Variants in ASB10 observed in about 807,000 individuals in gnomAD.
ASB10 encodes ankyrin repeat and SOCS box containing 10.
A neutral mutation model predicts 35.4 loss-of-function variants in ASB10; 44 were observed. The ratio of observed to expected loss-of-function variants is 1.24; its 90% CI spans 0.98 to 1.60. ASB10 has a LOEUF of 1.60. Among genes scored for constraint, ASB10 ranks in the 40% most tolerant of loss-of-function variants. The pLI is 0.00. For synonymous variants in ASB10, 294 were observed against 280.4 expected (o/e 1.05, Z -0.49); for missense variants, 647 against 634.3 (o/e 1.02, Z -0.22).
upstream of ASB10, chr7:151,187,645 G>T (rs1194901405): frequency 5.3e-5 from 81 of 1,533,238 alleles, no homozygotes; most frequent in Non-Finnish European, 6.8e-5. The surrounding 1 kb of genome is among the most constrained non-coding windows in gnomAD (Gnocchi z 5.3). Context: ...GGGGCCTCCA[G>T]ATCCGGCAGG....
intron 2 of ASB10, 117 bp from the exon 3 acceptor site, chr7:151,181,575 G>C: frequency 1.4e-6 from 2 of 1,416,634 alleles, no homozygotes; most frequent in Non-Finnish European, 1.8e-6. Flanking sequence ...CCCATCACTG[G>C]TCATCCTGGC....
chr7:151,185,959 C>A (rs1801580520), intron 2 of ASB10, among the ~76,000 whole-genome samples: 1 of 152,172 alleles, frequency 6.6e-6, no homozygotes, highest in African/African-American at 2.4e-5. Context: ...ACTGGGGCCA[C>A]CATCCTCTAC....
At position 151,186,828 on chromosome 7, in the gene ASB10, G is replaced by A. The variant is rs368312153; in HGVS notation, c.303C>T (p.Asn101=). Residue 101 remains asparagine, a synonymous_variant, in exon 1 of 6, where the codon AAC becomes AAT. Coordinates refer to ENST00000420175, the MANE Select transcript of ASB10 (RefSeq NM_001142459.2). ...DPERWRDFRF[N]IRALRLWSLT... The stretch of plus-strand genomic sequence containing the variant: ...CCCGGCCCGTACTCAGAGCACGGAT[G>A]TTGAAGCGGAAATCCCTCCATCGCT... 3 of 1,599,362 alleles carry A rather than the reference G, an allele frequency of 1.9e-6. No individual in the cohort carries two copies. The highest frequency in any genetic ancestry group is 2.2e-5 in the East Asian group (1 of 44,546).
In ASB10 at chr7:151,186,312, A is replaced by G. The variant is rs537533485; in HGVS notation, c.584+80T>C. Reference sequence around the variant, plus strand: ...GACTGCTCTGTCCCAGGTCCCTGACATTTTCCCCCATCCTCCCTGAGAAGG... The same window carrying G: ...GACTGCTCTGTCCCAGGTCCCTGACGTTTTCCCCCATCCTCCCTGAGAAGG... On this transcript the variant is annotated intron_variant, in intron 2 of 5. Transcript: ENST00000420175. The G allele has an allele frequency of 2.4e-5, 35 of 1,470,722 alleles. No individual in the cohort carries two copies. In the East Asian group the frequency reaches 7.2e-4, roughly 30 times the overall value. The allele number at this position is 1,470,722 out of a possible 1,614,324, so 91.1% of individuals were successfully genotyped here.
At chr7:151,177,622 G>A (rs2150555434) in intron 3 of ASB10, among the ~76,000 whole-genome samples, 1 of 152,188 alleles carries the variant, frequency 6.6e-6, no homozygotes, top group South Asian at 2.1e-4. Context: ...GGCTGGGTGG[G>A]GGACTCACAG....
chr7:151,185,579 A>G (rs1584818195), intron 2 of ASB10, among the ~76,000 whole-genome samples: 1 of 152,284 alleles, frequency 6.6e-6, no homozygotes, highest in East Asian at 1.9e-4. Context: ...CAAGAAGGAG[A>G]GGGTCCATGA....
At chr7:151,177,189 C>T (rs548431493) in intron 3 of ASB10, among the ~76,000 whole-genome samples, 2 of 152,250 alleles carry the variant, frequency 1.3e-5, no homozygotes, top group Non-Finnish European at 2.9e-5. Context: ...TCATTTGATC[C>T]AGGAAGCCAA....
At position 151,185,601 on chromosome 7, in the gene ASB10, C is replaced by T. The variant is rs142436221; in HGVS notation, c.584+791G>A. On this transcript the variant is annotated intron_variant, in intron 2 of 5. Transcript: ENST00000420175. ...GAGAGGGTCCATGAAAGGAGAACCC[C>T]AGGGTCAATAATTTGGCACCTTTCA... Among the ~76,000 whole-genome samples the T allele has an allele frequency of 1.8e-3, 281 of 152,234 alleles. 2 individuals carry two copies. The highest frequency in any genetic ancestry group is 6.5e-3 in the African/African-American group (270 of 41,526).
chr7:151,177,512 C>G (rs1801410505), intron 3 of ASB10, among the ~76,000 whole-genome samples: 1 of 150,738 alleles, frequency 6.6e-6, no homozygotes, highest in Non-Finnish European at 1.5e-5. Flanking sequence ...GGTCCCTGAC[C>G]TGTGGCTGGA....
rs1238321692 is a variant in ASB10, at chr7:151,181,343, G to A, written c.700C>T (p.Leu234Phe). Residue 234 changes from leucine (L) to phenylalanine (F), a missense_variant, in exon 3 of 6, where the codon CTT becomes TTT. Leu to Phe is a conservative substitution (Grantham distance 22). Transcript: ENST00000420175. ...TCAGGACATGCCCCCCGTCTTAGAAGCAGATCTGCCAGCTCCACATGGCCA... is the reference window on the plus strand; with the variant it reads ...TCAGGACATGCCCCCCGTCTTAGAAACAGATCTGCCAGCTCCACATGGCCA... The part of the protein sequence containing the change: ...RLGHVELADL[L>F]LRRGACPDAR... The A allele has an allele frequency of 5.0e-6, 8 of 1,613,250 alleles. No individual in the cohort carries two copies. The highest frequency in any genetic ancestry group is 6.8e-6 in the Non-Finnish European group (8 of 1,179,986).
upstream of ASB10, chr7:151,187,754 C>T (rs1053317112): frequency 5.5e-6 from 8 of 1,451,086 alleles, no homozygotes; most frequent in Admixed American, 8.3e-5. This position sits in a 1 kb window ranked among gnomAD's most constrained non-coding sequence, Gnocchi z 5.3. Flanking sequence ...AGCAGCACGA[C>T]TCCCAGCGAT....
chr7:151,187,522 G>A, upstream of ASB10: 1 of 1,551,510 alleles, frequency 6.4e-7, no homozygotes, highest in Non-Finnish European at 8.7e-7. This position sits in a 1 kb window ranked among gnomAD's most constrained non-coding sequence, Gnocchi z 5.3. Flanking sequence ...TGCTGTGCGG[G>A]GGGAACAGCT....
chr7:151,179,708 G>A (rs1801451674), intron 3 of ASB10, among the ~76,000 whole-genome samples: 1 of 152,214 alleles, frequency 6.6e-6, no homozygotes, highest in Non-Finnish European at 1.5e-5. Context: ...TGCTCTGCCA[G>A]CCCCTTTGGT....
At chr7:151,179,307 G>C (rs570230402) in intron 3 of ASB10, among the ~76,000 whole-genome samples, 6 of 152,272 alleles carry the variant, frequency 3.9e-5, no homozygotes, top group Non-Finnish European at 7.4e-5. Context: ...TCTGGCTCCA[G>C]AGCCTACACT....
intron 3 of ASB10, among the ~76,000 whole-genome samples, chr7:151,180,224 A>T (rs1382717624): frequency 6.6e-6 from 1 of 152,236 alleles, no homozygotes; most frequent in Non-Finnish European, 1.5e-5. Context: ...GCATGGGGCA[A>T]GGCCCCCTCA....
At chr7:151,186,356 G>C (rs747075763) in intron 2 of ASB10, 36 bp downstream of exon 2, 1 of 1,547,514 alleles carries the variant, frequency 6.5e-7, no homozygotes, top group Admixed American at 1.9e-5. Flanking sequence ...CTTCCCTTCA[G>C]AGTGGAACTG....
rs762388540 is a variant in ASB10, at chr7:151,181,056, CGTGT to C, written c.983_986del (p.His328ArgfsTer55). 6.2e-7 allele frequency: 1 copy of C among 1,612,430 alleles called. No homozygotes were observed. The highest frequency in any genetic ancestry group is 1.7e-5 in the Admixed American group (1 of 60,018). ...GGCCCTGCAGAGCACAGTGCAGGGG[CGTGT>C]GTCCCCCATAGTCCATGGTGTTGGC... On this transcript the variant is annotated frameshift_variant, in exon 3 of 6. Coordinates refer to ENST00000420175, the MANE Select transcript of ASB10 (RefSeq NM_001142459.2). LOFTEE classifies it high-confidence loss of function.
At chr7:151,184,947 G>A (rs549315091) in intron 2 of ASB10, among the ~76,000 whole-genome samples, 5 of 151,824 alleles carry the variant, frequency 3.3e-5, no homozygotes, top group Admixed American at 1.3e-4. Flanking sequence ...GCGTGAACCC[G>A]GGAGGCGGAG....
chr7:151,176,714 C>T (rs771290995), intron 3 of ASB10, 38 bp from the exon 4 acceptor site: 1 of 1,404,222 alleles, frequency 7.1e-7, no homozygotes, highest in South Asian at 1.2e-5. Context: ...CTCAGTCAGT[C>T]CACACAGTGA....
Sources: allele counts gnomAD v4.1 joint callset (sites outside exome capture counted in the v4.1 genomes callset), GRCh38; gene constraint gnomAD v4.1.1; non-coding constraint Gnocchi (gnomAD v3.1); transcripts MANE v1.5; gene names NCBI Gene and HGNC (gene_info 2026-07-23, HGNC 2026-07-21).